Variants in DYNC2H1 observed in about 807,000 individuals in gnomAD.
DYNC2H1 encodes dynein cytoplasmic 2 heavy chain 1, also known as cytoplasmic dynein 2 heavy chain 1.
DYNC2H1 carries 410 observed loss-of-function variants against 570.0 expected under a neutral mutation model. That is an observed-to-expected ratio of 0.72 (90% CI 0.66 to 0.78). The LOEUF (loss-of-function observed/expected upper bound fraction) is 0.78. Among genes scored for constraint, DYNC2H1 ranks in the 30% least tolerant of loss-of-function variants. The pLI is 0.00. For missense variants in DYNC2H1, 4,865 were observed against 5,046.4 expected (o/e 0.96, Z 1.09); for synonymous variants, 1,688 against 1,677.6 (o/e 1.01, Z -0.15).
At position 103,134,058 on chromosome 11, in the gene DYNC2H1, G is replaced by A. The variant is rs369810466; in HGVS notation, c.2107-263G>A. Reference sequence around the variant, plus strand: ...GTTTTTCATGACTTTGATGAGTACTGATCAGTTATTTTGTAGAATCTCTCT... The same window carrying A: ...GTTTTTCATGACTTTGATGAGTACTAATCAGTTATTTTGTAGAATCTCTCT... On this transcript the variant is annotated intron_variant, in intron 14 of 88. Transcript: ENST00000375735. Among the ~76,000 whole-genome samples, 18 of 151,986 alleles carry A rather than the reference G, an allele frequency of 1.2e-4. No homozygotes were observed. In the East Asian group the frequency reaches 1.7e-3, roughly 15 times the overall value.
intron 43 of DYNC2H1, 113 bp downstream of exon 43, chr11:103,187,699 C>T: frequency 7.7e-7 from 1 of 1,306,862 alleles, no homozygotes; most frequent in Non-Finnish European, 1.0e-6. Context: ...TAGCATTTGT[C>T]ATGGAAATTA....
intron 70 of DYNC2H1, among the ~76,000 whole-genome samples, chr11:103,271,521 G>A (rs921309193): frequency 6.6e-6 from 1 of 152,156 alleles, no homozygotes; most frequent in Non-Finnish European, 1.5e-5. Context: ...TAGAGTAGAA[G>A]TAAAAGGAAT....
chr11:103,344,396 T>G (rs901016227), intron 82 of DYNC2H1, among the ~76,000 whole-genome samples: 7 of 152,316 alleles, frequency 4.6e-5, no homozygotes, highest in African/African-American at 1.2e-4. Flanking sequence ...CAAAGACTTA[T>G]GAGATCCTCC....
intron 18 of DYNC2H1, 144 bp from the exon 19 acceptor site, chr11:103,147,628 A>T (rs1860305934): frequency 1.8e-6 from 1 of 555,070 alleles, no homozygotes; most frequent in Admixed American, 3.9e-5. Flanking sequence ...TGCTAAATTA[A>T]ATCTAAATGT....
rs1267960186 is a variant in DYNC2H1, at chr11:103,334,350, T to C, written c.12039+10360T>C. ...TTAGGTATTTCTGGCACGGATAGGG[T>C]AGAACAGAATTTGGCTACAAGGAAT... On this transcript the variant is annotated intron_variant, in intron 82 of 88. Coordinates refer to ENST00000375735, the MANE Select transcript of DYNC2H1 (RefSeq NM_001377.3). The surrounding 1 kb of genome is among the most constrained non-coding windows in gnomAD (Gnocchi z 4.3). Among the ~76,000 whole-genome samples, 1 of 152,090 alleles carries C rather than the reference T, an allele frequency of 6.6e-6. No homozygotes were observed. Among genetic ancestry groups the C allele is most frequent in the African/African-American group, 2.4e-5 (1 of 41,424 alleles).
intron 10 of DYNC2H1, 117 bp from the exon 11 acceptor site, chr11:103,122,708 T>C (rs574282000): frequency 1.1e-6 from 1 of 891,024 alleles, no homozygotes; most frequent in African/African-American, 1.7e-5. Flanking sequence ...GTTTCACTGT[T>C]TATAGATGAA....
intron 81 of DYNC2H1, among the ~76,000 whole-genome samples, chr11:103,322,065 A>C (rs1938234352): frequency 6.6e-6 from 1 of 152,130 alleles, no homozygotes; most frequent in Non-Finnish European, 1.5e-5. Flanking sequence ...CTTACTGACT[A>C]TCTTACTTAT....
In DYNC2H1 at chr11:103,417,411, A is replaced by AT. The variant is rs973115107; in HGVS notation, c.12366+17544dup. ...CCATCACACCTGGCCCAATAAAGTG[A>AT]TTTTTAAAAAGCCAACAAAGACATT... On this transcript the variant is annotated intron_variant, in intron 84 of 88. Transcript: ENST00000375735. Among the ~76,000 whole-genome samples, 11 of 152,244 alleles carry AT rather than the reference A, an allele frequency of 7.2e-5. 1 individual carries two copies. The highest frequency in any genetic ancestry group is 2.4e-5 in the African/African-American group (1 of 41,550).
At position 103,159,006 on chromosome 11, in the gene DYNC2H1, C is replaced by T. The variant is rs770317460; in HGVS notation, c.4357C>T (p.His1453Tyr). 6.2e-7 allele frequency: 1 copy of T among 1,612,676 alleles called. No homozygotes were observed. The highest frequency in any genetic ancestry group is 8.5e-7 in the Non-Finnish European group (1 of 1,179,310). Residue 1453 changes from histidine to tyrosine, a missense_variant, in exon 28 of 89, where the codon CAC becomes TAC. By Grantham distance (83) the His-to-Tyr change is moderately conservative. Transcript: ENST00000375735. ...QSTNPSVIQS[H>Y]LKKLFAGINS... ...TACCAACCCATCAGTGATTCAGTCT[C>T]ACCTGAAGAAGCTTTTTGCTGGTAG...
At chr11:103,219,481 G>A (rs1863506434) in intron 55 of DYNC2H1, among the ~76,000 whole-genome samples, 1 of 151,970 alleles carries the variant, frequency 6.6e-6, no homozygotes, top group South Asian at 2.1e-4. Flanking sequence ...GCATGGTGGT[G>A]GGCACCTGTA....
At chr11:103,401,918 T>C (rs548764323) in intron 84 of DYNC2H1, 81 of 152,238 alleles carry the variant, frequency 5.3e-4, no homozygotes, top group African/African-American at 1.9e-3. Context: ...AGTTAGGGCC[T>C]GGAATAAGAT....
intron 75 of DYNC2H1, among the ~76,000 whole-genome samples, chr11:103,292,158 C>CTT (rs35444782): frequency 1.3e-3 from 192 of 145,456 alleles, no homozygotes; most frequent in African/African-American, 3.8e-3. Context: ...TTCTTCTTCT[C>CTT]TTTTTTTTTT....
At position 103,143,328 on chromosome 11, in the gene DYNC2H1, G is replaced by C. The variant is rs772950964; in HGVS notation, c.2635G>C (p.Val879Leu). ...TCTGGTGGAAAAGCATCTTTTTACT[G>C]TACATGATTGGGAGAAAAATTTTAA... ...EALVEKHLFT[V>L]HDWEKNFKAL... is the part of the protein sequence containing the mutation. Residue 879 changes from valine (V) to leucine (L), a missense_variant, in exon 18 of 89, where the codon GTA (valine) becomes CTA (leucine). Physicochemically the swap from Val to Leu is conservative, Grantham distance 32. This residue lies in a region of DYNC2H1 where 1,936 missense variants were observed against 1,962.1 expected (regional missense o/e 0.99). Coordinates refer to ENST00000375735, the MANE Select transcript of DYNC2H1 (RefSeq NM_001377.3). The C allele has an allele frequency of 1.2e-6, 2 of 1,613,308 alleles. No individual in the cohort carries two copies. The highest frequency in any genetic ancestry group is 1.7e-5 in the Admixed American group (1 of 59,980).
chr11:103,344,611 CCAAA>C (rs1342484074), intron 82 of DYNC2H1, among the ~76,000 whole-genome samples: 5 of 152,328 alleles, frequency 3.3e-5, no homozygotes, highest in African/African-American at 1.2e-4. Flanking sequence ...TGTTACCTTA[CCAAA>C]CAGACTGTTT....
In DYNC2H1 at chr11:103,305,309, C is replaced by T. The variant is rs556169989; in HGVS notation, c.11382+589C>T. On this transcript the variant is annotated intron_variant, in intron 77 of 88. Coordinates refer to ENST00000375735, the MANE Select transcript of DYNC2H1 (RefSeq NM_001377.3). This position sits in a 1 kb window ranked among gnomAD's most constrained non-coding sequence, Gnocchi z 4.3. ...CAAATAGGATTTTGCTAAGTATAGG[C>T]AAAGAAAGGATATCATGATTTTAAT... Among the ~76,000 whole-genome samples, 1 of 151,952 alleles carries T rather than the reference C, an allele frequency of 6.6e-6. No homozygotes were observed. Among genetic ancestry groups the T allele is most frequent in the Non-Finnish European group, 1.5e-5 (1 of 68,008 alleles).
In DYNC2H1 at chr11:103,209,958, C is replaced by A; in HGVS notation, c.8537C>A (p.Ser2846Ter). 4 of 1,484,114 alleles carry A rather than the reference C, an allele frequency of 2.7e-6. No homozygotes were observed. Among genetic ancestry groups the A allele is most frequent in the South Asian group, 1.3e-5 (1 of 75,116 alleles). 91.9% of individuals were successfully genotyped at this position (1,484,114 alleles called of 1,614,324 possible). Residue 2846 changes from serine to a stop codon, truncating the protein, a stop_gained and splice_region_variant, in exon 53 of 89, where the codon TCA becomes TAA. Coordinates refer to ENST00000375735, the MANE Select transcript of DYNC2H1 (RefSeq NM_001377.3). LOFTEE classifies it high-confidence loss of function. This position sits in a 1 kb window ranked among gnomAD's most constrained non-coding sequence, Gnocchi z 4.2. ...KKRKEEKKKN[S>*]VDPDFLKSFL... ...CGAAAAGAAGAAAAGAAAAAAAATT[C>A]AGGTAGTATTTTGATAAAATCAGTT... is the stretch of plus-strand genomic sequence containing the variant.
At chr11:103,391,801 T>G (rs2566934) in intron 83 of DYNC2H1, among the ~76,000 whole-genome samples, 102,802 of 152,150 alleles carry the variant, frequency 0.68, 34,845 homozygotes, top group Admixed American at 0.73. Flanking sequence ...AGCAGAGGCT[T>G]TAGAACAGCC....
intron 84 of DYNC2H1, among the ~76,000 whole-genome samples, chr11:103,409,271 G>C (rs1793495): frequency 1.3e-5 from 2 of 151,682 alleles, no homozygotes; most frequent in Admixed American, 1.3e-4. Flanking sequence ...GGCTGTTAAC[G>C]GTCAGTGGGT....
intron 84 of DYNC2H1, chr11:103,404,050 A>G (rs963944120): frequency 2.6e-5 from 4 of 151,976 alleles, no homozygotes; most frequent in African/African-American, 9.7e-5. Context: ...GAAATAATAT[A>G]TAGGACCAGG....
Sources: gnomAD v4.1 joint callset for allele counts (sites outside exome capture counted in the v4.1 genomes callset) on GRCh38, gnomAD v4.1.1 for gene constraint, gnomAD v4.1.1 regional missense constraint, Gnocchi (gnomAD v3.1) non-coding constraint, MANE v1.5 for transcripts, NCBI Gene and HGNC (gene_info 2026-07-23, HGNC 2026-07-21) for gene names.